Variants in IQGAP1 observed in about 807,000 individuals in gnomAD.
IQGAP1 encodes the protein ras GTPase-activating-like protein IQGAP1.
IQGAP1 carries 66 observed loss-of-function variants against 215.6 expected under a neutral mutation model. The observed-to-expected ratio is 0.31, with a 90% CI of 0.25 to 0.38. The LOEUF (loss-of-function observed/expected upper bound fraction) is 0.38. Ranked by LOEUF, IQGAP1 falls within the 10% of genes least tolerant of loss-of-function variation. The probability of loss-of-function intolerance (pLI) is 1.00; values close to 1 mark genes in which losing one functional copy is unlikely to be tolerated. For missense variants in IQGAP1, 1,712 were observed against 1,997.1 expected (o/e 0.86, Z 2.72); for synonymous variants, 772 against 728.7 (o/e 1.06, Z -0.96).
rs777304067 is a variant in IQGAP1 at position 90,452,759 on chromosome 15, C to T, written c.1163-16C>T. 2.5e-6 allele frequency: 4 copies of T among 1,612,998 alleles called. No individual in the cohort carries two copies. The highest frequency in any genetic ancestry group is 3.4e-6 in the Non-Finnish European group (4 of 1,179,338). On this transcript the variant is annotated splice_polypyrimidine_tract_variant and intron_variant, in intron 11 of 37. Coordinates refer to ENST00000268182, the MANE Select transcript of IQGAP1 (RefSeq NM_003870.4). Reference sequence around the variant, plus strand: ...CTCTAAGCCCACTGCGTTTCTGACTCCTGTTTTTTACACAGGATTGGCAGC... The same window carrying T: ...CTCTAAGCCCACTGCGTTTCTGACTTCTGTTTTTTACACAGGATTGGCAGC...
intron 18 of IQGAP1, among the ~76,000 whole-genome samples, chr15:90,471,862 G>T (rs952701136): frequency 3.3e-4 from 47 of 140,948 alleles, no homozygotes; most frequent in African/African-American, 1.3e-3. Context: ...CGAGGCTCTG[G>T]TACCAAGGAG....
chr15:90,393,659 T>G (rs1055340706), intron 2 of IQGAP1: 1 of 152,174 alleles, frequency 6.6e-6, no homozygotes, highest in African/African-American at 2.4e-5. Context: ...AATGTTACAC[T>G]TCATCCTATT....
At chr15:90,481,035 G>A (rs534968719) in intron 26 of IQGAP1, among the ~76,000 whole-genome samples, 1 of 152,186 alleles carries the variant, frequency 6.6e-6, no homozygotes, top group African/African-American at 2.4e-5. Flanking sequence ...ACAACCGAAA[G>A]TCATGGTCTC....
At chr15:90,450,404 C>T (rs1025535060) in intron 11 of IQGAP1, among the ~76,000 whole-genome samples, 4 of 87,816 alleles carry the variant, frequency 4.6e-5, no homozygotes, top group Admixed American at 1.7e-4. Context: ...GATTTCATAT[C>T]TTGGCTATTG....
intron 35 of IQGAP1, 161 bp from the exon 36 acceptor site, chr15:90,494,552 G>C (rs193092002): frequency 8.2e-6 from 4 of 485,294 alleles, no homozygotes; most frequent in Admixed American, 8.0e-5. Context: ...CAGAGATATT[G>C]CTTAGGCTAA....
chr15:90,490,302 A>C (rs1206442153), intron 33 of IQGAP1, among the ~76,000 whole-genome samples: 2 of 152,248 alleles, frequency 1.3e-5, no homozygotes, highest in Non-Finnish European at 2.9e-5. Flanking sequence ...GCAAGAAGAC[A>C]GTGCAGAGAA....
chr15:90,396,645 A>G (rs1323634914), intron 2 of IQGAP1, among the ~76,000 whole-genome samples: 3 of 152,136 alleles, frequency 2.0e-5, no homozygotes, highest in Non-Finnish European at 4.4e-5. Context: ...ATAAACCTCC[A>G]TTCTTTTTTC....
At chr15:90,437,558 A>G (rs1646665692) in intron 5 of IQGAP1, among the ~76,000 whole-genome samples, 1 of 152,150 alleles carries the variant, frequency 6.6e-6, no homozygotes, top group Non-Finnish European at 1.5e-5. Context: ...TTCTTTTTTA[A>G]AGAGGCAGGG....
At chr15:90,446,214 T>C (rs1283019721) in intron 9 of IQGAP1, among the ~76,000 whole-genome samples, 1 of 152,230 alleles carries the variant, frequency 6.6e-6, no homozygotes, top group African/African-American at 2.4e-5. Flanking sequence ...CCTTACTGTT[T>C]GGTATTTTAT....
At chr15:90,479,363 C>G (rs1269255289) in intron 26 of IQGAP1, among the ~76,000 whole-genome samples, 1 of 152,054 alleles carries the variant, frequency 6.6e-6, no homozygotes, top group African/African-American at 2.4e-5. Context: ...ATTCTTCATT[C>G]TACTTTCCAT....
chr15:90,437,590 G>A (rs1237441283), intron 5 of IQGAP1, among the ~76,000 whole-genome samples: 1 of 152,106 alleles, frequency 6.6e-6, no homozygotes, highest in Non-Finnish European at 1.5e-5. Context: ...TGCCTAGGCT[G>A]GAACGCAGAG....
Position 90,399,402 on chromosome 15 carries a change from T to A in IQGAP1, c.155+8529T>A, listed in dbSNP as rs183123620. Among the ~76,000 whole-genome samples the A allele has an allele frequency of 6.3e-3, 958 of 152,306 alleles. 5 individuals are homozygous for A. The highest frequency in any genetic ancestry group is 0.012 in the Non-Finnish European group (783 of 68,026). ...ATCAGTATTATTTTCTTATGCAAAT[T>A]TTCTGTTTTTGTTATGTGCCTGGCT... On this transcript the variant is annotated intron_variant, in intron 2 of 37. Transcript: ENST00000268182.
intron 5 of IQGAP1, among the ~76,000 whole-genome samples, chr15:90,434,730 C>G (rs962838045): frequency 3.9e-5 from 6 of 152,114 alleles, no homozygotes; most frequent in African/African-American, 1.4e-4. Flanking sequence ...TTATACTTAC[C>G]AGTTGAGCAT....
At position 90,473,919 on chromosome 15, in the gene IQGAP1, C is replaced by G. The variant is rs1965940845; in HGVS notation, c.2457C>G (p.His819Gln). ...AGATTCAGTCCCTGGCAAGGATGCA[C>G]CAAGCTCGAAAGCGCTATCGAGATC... is the stretch of plus-strand genomic sequence containing the variant. ...VVKIQSLARM[H>Q]QARKRYRDRL... is the part of the protein sequence containing the mutation. The change falls in exon 21 of 38, where the codon CAC becomes CAG. Residue 819 changes from histidine (H) to glutamine (Q), a missense_variant. Physicochemically the swap from His to Gln is conservative, Grantham distance 24. Coordinates refer to ENST00000268182, the MANE Select transcript of IQGAP1 (RefSeq NM_003870.4). 3.7e-6 allele frequency: 6 copies of G among 1,613,946 alleles called. No individual in the cohort carries two copies. Among genetic ancestry groups the G allele is most frequent in the Non-Finnish European group, 4.2e-6 (5 of 1,179,976 alleles).
intron 28 of IQGAP1, 157 bp from the exon 29 acceptor site, chr15:90,483,204 A>AGT (rs1436865451): frequency 5.6e-5 from 33 of 593,928 alleles, no homozygotes; most frequent in Non-Finnish European, 5.1e-5. Context: ...CATGAGAGAG[A>AGT]GTGTGTATAT....
intron 25 of IQGAP1, 25 bp downstream of exon 25, chr15:90,477,255 C>T (rs1371887502): frequency 2.5e-6 from 4 of 1,603,308 alleles, no homozygotes; most frequent in Non-Finnish European, 3.4e-6. Context: ...CCTCAGGGCA[C>T]AGGCCCCTTC....
intron 2 of IQGAP1, among the ~76,000 whole-genome samples, chr15:90,409,711 TA>T (rs746592583): frequency 3.3e-5 from 5 of 152,206 alleles, no homozygotes; most frequent in Non-Finnish European, 5.9e-5. Flanking sequence ...CATTTGGATG[TA>T]ATTCCTGTGC....
chr15:90,461,249 A>T (rs746378506), intron 15 of IQGAP1, among the ~76,000 whole-genome samples: 2 of 152,130 alleles, frequency 1.3e-5, no homozygotes, highest in Non-Finnish European at 2.9e-5. Flanking sequence ...TGGAGGTTGC[A>T]ATGAGCACCA....
In IQGAP1 at chr15:90,477,125, A is replaced by C; in HGVS notation, c.2999A>C (p.Lys1000Thr). The change falls in exon 25 of 38, where the codon AAG becomes ACG. Residue 1000 changes from lysine (K) to threonine (T), a missense_variant. Lys to Thr is a moderately conservative substitution (Grantham distance 78). Coordinates refer to ENST00000268182, the MANE Select transcript of IQGAP1 (RefSeq NM_003870.4). ...IFQMPQNKST[K>T]FMDSVIFTLY... ...CAGATGCCCCAGAACAAGTCCACCA[A>C]GTTCATGGACTCTGTAATCTTCACA... 1 of 1,614,136 alleles carries C rather than the reference A, an allele frequency of 6.2e-7. No individual in the cohort carries two copies. The highest frequency in any genetic ancestry group is 8.5e-7 in the Non-Finnish European group (1 of 1,180,010).
Sources: gnomAD v4.1 joint callset for allele counts (sites outside exome capture counted in the v4.1 genomes callset) on GRCh38, gnomAD v4.1.1 for gene constraint, MANE v1.5 for transcripts, NCBI Gene and HGNC (gene_info 2026-07-23, HGNC 2026-07-21) for gene names.